XYLT1: variants seen among roughly 807,000 people sequenced by gnomAD.
XYLT1 encodes the protein xylosyltransferase 1.
Under a neutral mutation model 91.3 loss-of-function variants are expected in XYLT1, and 36 were observed. The ratio of observed to expected loss-of-function variants is 0.39; its 90% CI spans 0.30 to 0.52. The LOEUF (loss-of-function observed/expected upper bound fraction) is 0.52. Ranked by LOEUF, XYLT1 falls within the 20% of genes least tolerant of loss-of-function variation. The pLI is 0.68. For missense variants in XYLT1, 1,242 were observed against 1,284.5 expected (o/e 0.97, Z 0.51); for synonymous variants, 588 against 532.0 (o/e 1.11, Z -1.45).
intron 1 of XYLT1, among the ~76,000 whole-genome samples, chr16:17,413,246 C>G (rs927914150): frequency 5.3e-5 from 8 of 152,160 alleles, no homozygotes; most frequent in African/African-American, 1.9e-4. Flanking sequence ...TGCATCAATG[C>G]CACACACTGT....
intron 1 of XYLT1, among the ~76,000 whole-genome samples, chr16:17,372,307 TAATCTTTTC>T (rs1236585529): frequency 6.6e-6 from 1 of 152,362 alleles, no homozygotes; most frequent in African/African-American, 2.4e-5. Context: ...ACTAGTGCAC[TAATCTTTTC>T]AATCTTTTCA....
chr16:17,286,770 A>C (rs1333658006), intron 2 of XYLT1, among the ~76,000 whole-genome samples: 1 of 152,160 alleles, frequency 6.6e-6, no homozygotes, highest in Admixed American at 6.5e-5. Flanking sequence ...TTCACCACAA[A>C]GTATAGCCAT....
At chr16:17,118,065 T>A in intron 10 of XYLT1, 86 bp from the exon 11 acceptor site, 1 of 1,360,038 alleles carries the variant, frequency 7.4e-7, no homozygotes. Context: ...CTTTGTTAGC[T>A]TTCATATACC....
chr16:17,379,285 C>T (rs2035641307), intron 1 of XYLT1, among the ~76,000 whole-genome samples: 1 of 152,228 alleles, frequency 6.6e-6, no homozygotes, highest in Admixed American at 6.5e-5. Flanking sequence ...GAAGAAAAGA[C>T]TCAGGAGTTC....
chr16:17,466,405 T>G (rs554802456), intron 1 of XYLT1, among the ~76,000 whole-genome samples: 1 of 152,318 alleles, frequency 6.6e-6, no homozygotes, highest in East Asian at 1.9e-4. Context: ...ATGTCAGAGA[T>G]ATGCCTAAGG....
At chr16:17,183,830 A>C (rs1226555420) in intron 5 of XYLT1, among the ~76,000 whole-genome samples, 1 of 152,194 alleles carries the variant, frequency 6.6e-6, no homozygotes, top group Non-Finnish European at 1.5e-5. Flanking sequence ...AATGATAATA[A>C]GAATAATCCA....
At chr16:17,164,673 C>T (rs1374043166) in intron 5 of XYLT1, among the ~76,000 whole-genome samples, 1 of 152,178 alleles carries the variant, frequency 6.6e-6, no homozygotes, top group Admixed American at 6.5e-5. Context: ...GTCCTCCAGG[C>T]TCATCCATAT....
intron 3 of XYLT1, 48 bp downstream of exon 3, chr16:17,258,940 G>A (rs2033676649): frequency 6.8e-7 from 1 of 1,470,504 alleles, no homozygotes; most frequent in Non-Finnish European, 9.0e-7. Context: ...GGCAGGAGGA[G>A]GAAGTGGCCA....
chr16:17,238,039 A>G (rs1007368009), intron 3 of XYLT1, among the ~76,000 whole-genome samples: 3 of 152,210 alleles, frequency 2.0e-5, no homozygotes, highest in Non-Finnish European at 4.4e-5. Context: ...GGTACCTGGC[A>G]CACAGGCTGG....
chr16:17,278,790 C>T (rs1016486278), intron 2 of XYLT1, among the ~76,000 whole-genome samples: 1 of 152,164 alleles, frequency 6.6e-6, no homozygotes, highest in Non-Finnish European at 1.5e-5. Flanking sequence ...GGCAAAGTCG[C>T]CCAGGAAGCA....
chr16:17,351,350 TAAAAATAC>T (rs1166380342), intron 2 of XYLT1, among the ~76,000 whole-genome samples: 3 of 152,080 alleles, frequency 2.0e-5, no homozygotes, highest in Non-Finnish European at 2.9e-5. Context: ...CCATTTCTAC[TAAAAATAC>T]AAAAATTAGC....
chr16:17,166,100 T>C (rs1415827375), intron 5 of XYLT1, among the ~76,000 whole-genome samples: 1 of 152,212 alleles, frequency 6.6e-6, no homozygotes, highest in African/African-American at 2.4e-5. Flanking sequence ...AGGGGCCTTC[T>C]GGGTTCCCCA....
chr16:17,163,282 G>C (rs1438329883), intron 5 of XYLT1, among the ~76,000 whole-genome samples: 2 of 152,208 alleles, frequency 1.3e-5, no homozygotes, highest in Non-Finnish European at 2.9e-5. Context: ...TTGTGTGTGT[G>C]TCTTATCTAT....
chr16:17,191,211 A>G (rs1449208612), intron 5 of XYLT1, among the ~76,000 whole-genome samples: 1 of 152,234 alleles, frequency 6.6e-6, no homozygotes, highest in East Asian at 1.9e-4. Context: ...ATTGTAAAGC[A>G]CTTAGAATAA....
intron 1 of XYLT1, among the ~76,000 whole-genome samples, chr16:17,435,859 T>C (rs1269769705): frequency 6.6e-6 from 1 of 152,204 alleles, no homozygotes; most frequent in African/African-American, 2.4e-5. Context: ...ATAGGAGGCA[T>C]GAAGAATGCA....
intron 5 of XYLT1, among the ~76,000 whole-genome samples, chr16:17,176,156 C>T (rs1276059173): frequency 6.6e-6 from 1 of 152,222 alleles, no homozygotes; most frequent in Non-Finnish European, 1.5e-5. Context: ...TCATTTGCTC[C>T]TTCATGCCTT....
intron 2 of XYLT1, among the ~76,000 whole-genome samples, chr16:17,309,999 C>T (rs891442247): frequency 6.6e-6 from 1 of 152,152 alleles, no homozygotes; most frequent in Non-Finnish European, 1.5e-5. Context: ...AATTTGGAGG[C>T]TGGGAGTGGG....
At chr16:17,126,687 T>C (rs1456098444) in intron 10 of XYLT1, among the ~76,000 whole-genome samples, 2 of 152,200 alleles carry the variant, frequency 1.3e-5, no homozygotes, top group Non-Finnish European at 1.5e-5. Flanking sequence ...GTCAGAACCA[T>C]TGTGACAAAT....
At position 17,343,338 on chromosome 16, in the gene XYLT1, C is replaced by T. The variant is rs576870265; in HGVS notation, c.402+14674G>A. On this transcript the variant is annotated intron_variant, in intron 2 of 11. Transcript: ENST00000261381. Reference sequence around the variant, plus strand: ...TGTGCCACGAACTCCTCTTGCTTCACGGCACCCAGTGCCTGCTGCATCAAC... The same window carrying T: ...TGTGCCACGAACTCCTCTTGCTTCATGGCACCCAGTGCCTGCTGCATCAAC... Among the ~76,000 whole-genome samples, 8 of 152,332 alleles carry T rather than the reference C, an allele frequency of 5.3e-5. No homozygotes were observed. The East Asian group carries it at 9.6e-4, about 18-fold the overall frequency.
Sources: gnomAD v4.1 joint callset for allele counts (sites outside exome capture counted in the v4.1 genomes callset) on GRCh38, gnomAD v4.1.1 for gene constraint, MANE v1.5 for transcripts, NCBI Gene and HGNC (gene_info 2026-07-23, HGNC 2026-07-21) for gene names.